Variants in KLRD1 observed in about 807,000 individuals in gnomAD.
KLRD1 encodes the protein killer cell lectin like receptor D1.
KLRD1 carries 21 observed loss-of-function variants against 22.6 expected under a neutral mutation model. The observed-to-expected ratio is 0.93, with a 90% CI of 0.66 to 1.34. The LOEUF (loss-of-function observed/expected upper bound fraction) is 1.34, where lower values mean the gene tolerates loss of function less well. Ranked by LOEUF, KLRD1 falls within the 40% of genes most tolerant of loss-of-function variation. The pLI, the probability that KLRD1 is intolerant of heterozygous loss-of-function variation, is 0.00. For synonymous variants in KLRD1, 59 were observed against 71.1 expected (o/e 0.83, Z 0.85); for missense variants, 183 against 208.6 (o/e 0.88, Z 0.76).
At chr12:10,250,157 T>C (rs1236099902) in intron 1 of KLRD1, among the ~76,000 whole-genome samples, 1 of 149,734 alleles carries the variant, frequency 6.7e-6, no homozygotes, top group African/African-American at 2.5e-5. Flanking sequence ...AACCACTCTC[T>C]CTCTTAAGTC....
At chr12:10,257,635 A>G (rs1041793436) in intron 1 of KLRD1, among the ~76,000 whole-genome samples, 2 of 127,516 alleles carry the variant, frequency 1.6e-5, no homozygotes, top group African/African-American at 5.2e-5. Context: ...TTCTTTAGTT[A>G]TTTTTCTGTT....
chr12:10,244,577 T>A (rs972514404), intron 1 of KLRD1, among the ~76,000 whole-genome samples: 3 of 151,490 alleles, frequency 2.0e-5, no homozygotes, highest in African/African-American at 7.3e-5. Context: ...AGGTCAGGAG[T>A]CCAAGACCAG....
Position 10,323,369 on chromosome 12 carries a change from T to C in KLRD1, c.*8576T>C, listed in dbSNP as rs933364417. 7 of 152,224 alleles carry C rather than the reference T, an allele frequency of 4.6e-5. No individual in the cohort carries two copies. Among genetic ancestry groups the C allele is most frequent in the Non-Finnish European group, 7.3e-5 (5 of 68,036 alleles). The allele number at this position is 152,224 out of a possible 1,614,324, so 9.4% of individuals were successfully genotyped here. A position where few individuals can be genotyped will look rare whatever the true frequency, so the allele number is the denominator to read the frequency against. On this transcript the variant is annotated 3_prime_UTR_variant, in exon 6 of 6. Transcript: ENST00000336164. ...TAGTCTAAGGACCTTCTGGATACTATGCATTTGCATACAATTGTACATTTA... is the reference window on the plus strand; with the variant it reads ...TAGTCTAAGGACCTTCTGGATACTACGCATTTGCATACAATTGTACATTTA...
intron 1 of KLRD1, among the ~76,000 whole-genome samples, chr12:10,239,484 TCTTC>T (rs139303489): frequency 0.09 from 11,483 of 127,534 alleles, 1,728 homozygotes; most frequent in African/African-American, 0.26. Context: ...CTTCCTTCCT[TCTTC>T]CTTCCTTCCT....
At chr12:10,293,769 C>T (rs867048546) in intron 1 of KLRD1, among the ~76,000 whole-genome samples, 1 of 152,114 alleles carries the variant, frequency 6.6e-6, no homozygotes, top group Non-Finnish European at 1.5e-5. Context: ...AAATGCCACA[C>T]CTGTGAAGCA....
rs992013950 is a variant in KLRD1 at position 10,323,207 on chromosome 12, G to A, written c.*8414G>A. On this transcript the variant is annotated 3_prime_UTR_variant, in exon 6 of 6. Coordinates refer to ENST00000336164, the MANE Select transcript of KLRD1 (RefSeq NM_002262.5). ...GAGTTGAATTTCTAAGTCATAAGCT[G>A]TCATATATTTAGGCCCTTTAGTTCA... is the stretch of plus-strand genomic sequence containing the variant. 1 of 152,144 alleles carries A rather than the reference G, an allele frequency of 6.6e-6. No individual in the cohort carries two copies. Among genetic ancestry groups the A allele is most frequent in the Non-Finnish European group, 1.5e-5 (1 of 68,034 alleles). The allele number at this position is 152,144 out of a possible 1,614,324, so 9.4% of individuals were successfully genotyped here. A position where few individuals can be genotyped will look rare whatever the true frequency, so the allele number is the denominator to read the frequency against.
rs558703319 is a variant in KLRD1, at chr12:10,327,414, T to C, written c.*12621T>C. 6.6e-6 allele frequency: 1 copy of C among 152,298 alleles called. No individual in the cohort carries two copies. Among genetic ancestry groups the C allele is most frequent in the Admixed American group, 6.5e-5 (1 of 15,282 alleles). The allele number at this position is 152,298 out of a possible 1,614,324, so 9.4% of individuals were successfully genotyped here. ...TCCATGTATATTTTAGTATCATTGT[T>C]TTCCTAATTCTAAAATGCCATTGAG... On this transcript the variant is annotated 3_prime_UTR_variant, in exon 6 of 6. Transcript: ENST00000336164.
upstream of KLRD1, among the ~76,000 whole-genome samples, chr12:10,307,629 T>C (rs906495027): frequency 2.0e-5 from 3 of 152,234 alleles, no homozygotes; most frequent in Admixed American, 1.3e-4. Context: ...CTGTAAGTAA[T>C]TTTGTTATGC....
In KLRD1 at chr12:10,316,591, TGGGGTTTTGTATTGTTGCCCA is replaced by T. The variant is rs1469627870; in HGVS notation, c.*1801_*1821del. On this transcript the variant is annotated 3_prime_UTR_variant, in exon 6 of 6. Coordinates refer to ENST00000336164, the MANE Select transcript of KLRD1 (RefSeq NM_002262.5). ...TAATTTTTTGTATCATTTGTAGAAA[TGGGGTTTTGTATTGTTGCCCA>T]GGCTGATCTTGAACTCCTGGGGTCA... is the stretch of plus-strand genomic sequence containing the variant. The T allele has an allele frequency of 2.0e-5, 3 of 151,826 alleles. No individual in the cohort carries two copies. The highest frequency in any genetic ancestry group is 7.3e-5 in the African/African-American group (3 of 41,324). 9.4% of individuals were successfully genotyped at this position (151,826 alleles called of 1,614,324 possible). A position where few individuals can be genotyped will look rare whatever the true frequency, so the allele number is the denominator to read the frequency against.
intron 1 of KLRD1, among the ~76,000 whole-genome samples, chr12:10,254,608 G>C (rs895655686): frequency 3.9e-5 from 6 of 152,008 alleles, no homozygotes; most frequent in African/African-American, 1.4e-4. Context: ...TAGGCAAAAG[G>C]CTGGGCGTGG....
chr12:10,280,173 C>T (rs1335407778), intron 1 of KLRD1, among the ~76,000 whole-genome samples: 4 of 152,130 alleles, frequency 2.6e-5, no homozygotes, highest in South Asian at 2.1e-4. Context: ...TACAGAGGAA[C>T]GTACAGTGAA....
Position 10,318,235 on chromosome 12 carries a change from A to G in KLRD1, c.*3442A>G, listed in dbSNP as rs1950272073. 6.6e-6 allele frequency: 1 copy of G among 152,212 alleles called. No homozygotes were observed. Among genetic ancestry groups the G allele is most frequent in the African/African-American group, 2.4e-5 (1 of 41,456 alleles). The allele number at this position is 152,212 out of a possible 1,614,324, so 9.4% of individuals were successfully genotyped here. A position where few individuals can be genotyped will look rare whatever the true frequency, so the allele number is the denominator to read the frequency against. ...GACTCTTGGCCATGATATGGGTAGT[A>G]GGCTAACTAACTAGCTAACAAATGG... is the stretch of plus-strand genomic sequence containing the variant. On this transcript the variant is annotated 3_prime_UTR_variant, in exon 6 of 6. Coordinates refer to ENST00000336164, the MANE Select transcript of KLRD1 (RefSeq NM_002262.5).
At chr12:10,296,311 T>A (rs1176763104) in intron 1 of KLRD1, among the ~76,000 whole-genome samples, 2 of 151,940 alleles carry the variant, frequency 1.3e-5, no homozygotes, top group Admixed American at 6.6e-5. Flanking sequence ...GGTCTGGAGA[T>A]CGAGACCATC....
At chr12:10,288,419 C>T (rs1462210015) in intron 1 of KLRD1, among the ~76,000 whole-genome samples, 1 of 152,100 alleles carries the variant, frequency 6.6e-6, no homozygotes, top group Non-Finnish European at 1.5e-5. Context: ...ATTCCCAGCA[C>T]AATCGAGGCA....
intron 1 of KLRD1, among the ~76,000 whole-genome samples, chr12:10,263,941 C>T (rs556499648): frequency 6.6e-6 from 1 of 152,028 alleles, no homozygotes; most frequent in East Asian, 1.9e-4. Flanking sequence ...AATATATTCT[C>T]ATAGGATGGA....
Position 10,319,317 on chromosome 12 carries a change from G to A in KLRD1, c.*4524G>A, listed in dbSNP as rs1160185433. 6.6e-6 allele frequency: 1 copy of A among 152,104 alleles called. No homozygotes were observed. Among genetic ancestry groups the A allele is most frequent in the Non-Finnish European group, 1.5e-5 (1 of 68,010 alleles). 9.4% of individuals were successfully genotyped at this position (152,104 alleles called of 1,614,324 possible). A position where few individuals can be genotyped will look rare whatever the true frequency, so the allele number is the denominator to read the frequency against. On this transcript the variant is annotated 3_prime_UTR_variant, in exon 6 of 6. Transcript: ENST00000336164. ...AATTTTGCTATATGAAAACAGTTAT[G>A]TCTGTTACTATCAATCTGTGTTCAT...
chr12:10,281,340 A>C (rs1019661514), intron 1 of KLRD1, among the ~76,000 whole-genome samples: 1 of 152,194 alleles, frequency 6.6e-6, no homozygotes, highest in Non-Finnish European at 1.5e-5. Flanking sequence ...ACCCTCTAAA[A>C]CTGTAAGAGA....
intron 1 of KLRD1, among the ~76,000 whole-genome samples, chr12:10,292,661 G>T (rs539351042): frequency 6.6e-6 from 1 of 152,222 alleles, no homozygotes; most frequent in Admixed American, 6.5e-5. Context: ...CACAGGTAGA[G>T]TAGACTGAGC....
chr12:10,284,962 C>A (rs1316137819), intron 1 of KLRD1, among the ~76,000 whole-genome samples: 1 of 150,556 alleles, frequency 6.6e-6, no homozygotes, highest in Non-Finnish European at 1.5e-5. Context: ...GCCTGGGCAA[C>A]AAGAGCGAAA....
Sources: gnomAD v4.1 joint callset for allele counts (sites outside exome capture counted in the v4.1 genomes callset) on GRCh38, gnomAD v4.1.1 for gene constraint, MANE v1.5 for transcripts, NCBI Gene and HGNC (gene_info 2026-07-23, HGNC 2026-07-21) for gene names.